Variants in COL22A1 observed in about 807,000 individuals in gnomAD.
COL22A1 encodes the protein collagen alpha-1(XXII) chain.
In COL22A1, 221 loss-of-function variants were observed where a neutral mutation model predicts 248.9. The observed-to-expected ratio is 0.89, with a 90% CI of 0.80 to 0.99. The LOEUF (loss-of-function observed/expected upper bound fraction) is 0.99. Ranked by LOEUF, COL22A1 falls within the 50% of genes least tolerant of loss-of-function variation. The pLI, the probability that COL22A1 is intolerant of heterozygous loss-of-function variation, is 0.00. For synonymous variants in COL22A1, 891 were observed against 793.4 expected (o/e 1.12, Z -2.07); for missense variants, 2,240 against 2,179.0 (o/e 1.03, Z -0.56).
intron 63 of COL22A1, among the ~76,000 whole-genome samples, chr8:138,592,440 C>G (rs1817150719): frequency 6.6e-6 from 1 of 152,164 alleles, no homozygotes; most frequent in Admixed American, 6.5e-5. Flanking sequence ...CGTGTTTGGT[C>G]AGTATTCTGC....
chr8:138,626,273 G>T (rs925014697), intron 50 of COL22A1, 30 bp from the exon 51 acceptor site: 1 of 1,576,828 alleles, frequency 6.3e-7, no homozygotes, highest in African/African-American at 1.4e-5. Context: ...AAAACACCAT[G>T]AAACCTCTGC....
intron 64 of COL22A1, among the ~76,000 whole-genome samples, chr8:138,589,802 C>T (rs2131759321): frequency 6.6e-6 from 1 of 152,228 alleles, no homozygotes; most frequent in Non-Finnish European, 1.5e-5. Context: ...GGGAATGAGT[C>T]TGAGTGGAGA....
intron 30 of COL22A1, among the ~76,000 whole-genome samples, chr8:138,709,013 T>C (rs1461828795): frequency 1.3e-5 from 2 of 152,226 alleles, no homozygotes; most frequent in African/African-American, 4.8e-5. Flanking sequence ...AAGACATTTA[T>C]GCAGCCAACA....
Position 138,898,702 on chromosome 8 carries a change from A to T in COL22A1, c.-73+14917T>A, listed in dbSNP as rs371674046. 2.0e-4 allele frequency among the ~76,000 whole-genome samples: 31 copies of T among 152,290 alleles called. 1 individual carries two copies. The East Asian group carries it at 3.1e-3, about 15-fold the overall frequency. On this transcript the variant is annotated intron_variant, in intron 1 of 64. Coordinates refer to ENST00000303045, the MANE Select transcript of COL22A1 (RefSeq NM_152888.3). ...CAAGCTTTGTTCCCATTGCCTAGCTAACTGCCCATATAGAACATACGTTCT... is the reference window on the plus strand; with the variant it reads ...CAAGCTTTGTTCCCATTGCCTAGCTTACTGCCCATATAGAACATACGTTCT...
intron 10 of COL22A1, 91 bp from the exon 11 acceptor site, chr8:138,803,025 A>G: frequency 4.1e-6 from 4 of 975,736 alleles, no homozygotes; most frequent in Non-Finnish European, 6.7e-6. Flanking sequence ...CCTTGCTCCA[A>G]TTCCCTAGAA....
chr8:138,738,149 T>C (rs1831269977), intron 22 of COL22A1, among the ~76,000 whole-genome samples: 1 of 152,192 alleles, frequency 6.6e-6, no homozygotes, highest in Non-Finnish European at 1.5e-5. Context: ...TGGTTTTCCC[T>C]GTGCAAATGA....
intron 27 of COL22A1, among the ~76,000 whole-genome samples, chr8:138,718,814 G>C (rs911590265): frequency 6.6e-6 from 1 of 152,190 alleles, no homozygotes; most frequent in Non-Finnish European, 1.5e-5. Flanking sequence ...AAAGCAGTAG[G>C]CTTCTCTGAA....
chr8:138,882,545 T>C, intron 2 of COL22A1, among the ~76,000 whole-genome samples: 1 of 128,958 alleles, frequency 7.8e-6, no homozygotes, highest in African/African-American at 3.1e-5. Flanking sequence ...CTCCCCCACA[T>C]GCTCCCTCAA....
intron 55 of COL22A1, among the ~76,000 whole-genome samples, chr8:138,615,788 C>G (rs1019032761): frequency 1.3e-5 from 2 of 152,120 alleles, no homozygotes; most frequent in African/African-American, 4.8e-5. Context: ...CATGACTGAT[C>G]CAGAAAAGCT....
rs528758381 is a variant in COL22A1 at position 138,663,298 on chromosome 8, C to T, written c.3186+407G>A. ...GTCCACCAGGTCTCCACAGTGGCTC[C>T]CGGGTCTTGCTCTGCCTATGTTACA... On this transcript the variant is annotated intron_variant, in intron 42 of 64. Coordinates refer to ENST00000303045, the MANE Select transcript of COL22A1 (RefSeq NM_152888.3). Among the ~76,000 whole-genome samples, 33 of 152,322 alleles carry T rather than the reference C, an allele frequency of 2.2e-4. 1 individual carries two copies. The highest frequency in any genetic ancestry group is 7.5e-4 in the African/African-American group (31 of 41,566).
At chr8:138,909,559 A>G (rs893185887) in intron 1 of COL22A1, among the ~76,000 whole-genome samples, 1 of 149,114 alleles carries the variant, frequency 6.7e-6, no homozygotes, top group African/African-American at 2.5e-5. Flanking sequence ...GATTTTTTTA[A>G]AAAAACTTAC....
At chr8:138,610,039 C>T (rs1245828311) in intron 56 of COL22A1, among the ~76,000 whole-genome samples, 2 of 152,244 alleles carry the variant, frequency 1.3e-5, no homozygotes, top group East Asian at 3.9e-4. Context: ...TTCTAGCACA[C>T]ATCAGCCAGT....
At position 138,616,875 on chromosome 8, in the gene COL22A1, C is replaced by A. The variant is rs770190779; in HGVS notation, c.3870+39G>T. On this transcript the variant is annotated intron_variant, in intron 54 of 64. Transcript: ENST00000303045. ...TTCTGTCTGGGAAGTGTAAGCTCTG[C>A]CCACCTGGGGGGACCTCCAAAGTGA... 1.2e-5 allele frequency: 19 copies of A among 1,612,804 alleles called. No individual in the cohort carries two copies. In the Admixed American group the frequency reaches 3.2e-4, roughly 27 times the overall value.
At chr8:138,891,934 A>G (rs1487589297) in intron 1 of COL22A1, among the ~76,000 whole-genome samples, 1 of 152,224 alleles carries the variant, frequency 6.6e-6, no homozygotes, top group Admixed American at 6.5e-5. Flanking sequence ...TGATGTGATG[A>G]ATAACATTAA....
chr8:138,760,095 C>T, intron 18 of COL22A1, 148 bp downstream of exon 18: 1 of 474,088 alleles, frequency 2.1e-6, no homozygotes. Context: ...ATGTGAGTTC[C>T]TGATGCCCCA....
At chr8:138,724,473 G>T in intron 25 of COL22A1, 142 bp downstream of exon 25, 1 of 748,452 alleles carries the variant, frequency 1.3e-6, no homozygotes, top group Non-Finnish European at 2.3e-6. Context: ...ACCCAGCTGA[G>T]CTCCGGGGCT....
chr8:138,865,449 T>C (rs1822791124), intron 3 of COL22A1, among the ~76,000 whole-genome samples: 1 of 151,362 alleles, frequency 6.6e-6, no homozygotes, highest in African/African-American at 2.4e-5. Flanking sequence ...TTTGTATGCC[T>C]GTGTGTGAGT....
chr8:138,775,652 C>T (rs1416086367), intron 16 of COL22A1, among the ~76,000 whole-genome samples: 5 of 152,118 alleles, frequency 3.3e-5, no homozygotes, highest in Admixed American at 2.6e-4. Context: ...CTTTGGAGTC[C>T]AATCCTTAAA....
At chr8:138,831,082 T>C (rs946963382) in intron 5 of COL22A1, among the ~76,000 whole-genome samples, 4 of 152,226 alleles carry the variant, frequency 2.6e-5, no homozygotes, top group African/African-American at 9.6e-5. Flanking sequence ...TTTCTTCTTC[T>C]GTAGAATCGC....
Sources: gnomAD v4.1 joint callset for allele counts (sites outside exome capture counted in the v4.1 genomes callset) on GRCh38, gnomAD v4.1.1 for gene constraint, MANE v1.5 for transcripts, NCBI Gene and HGNC (gene_info 2026-07-23, HGNC 2026-07-21) for gene names.